Variants in ELAPOR1 observed in about 807,000 individuals in gnomAD.
The protein encoded by ELAPOR1 is endosome/lysosome-associated apoptosis and autophagy regulator 1.
Under a neutral mutation model 119.7 loss-of-function variants are expected in ELAPOR1, and 77 were observed. That is an observed-to-expected ratio of 0.64 (90% CI 0.54 to 0.78). The LOEUF (loss-of-function observed/expected upper bound fraction) is 0.78. Among genes scored for constraint, ELAPOR1 ranks in the 30% least tolerant of loss-of-function variants. The pLI, the probability that ELAPOR1 is intolerant of heterozygous loss-of-function variation, is 0.00. For synonymous variants in ELAPOR1, 481 were observed against 487.2 expected (o/e 0.99, Z 0.17); for missense variants, 1,115 against 1,270.4 (o/e 0.88, Z 1.86).
intron 1 of ELAPOR1, among the ~76,000 whole-genome samples, chr1:109,137,817 C>T (rs576175002): frequency 1.0e-3 from 158 of 152,306 alleles, no homozygotes; most frequent in Middle Eastern, 3.4e-3. Context: ...CGTGAGCCAC[C>T]GCGCCCGGCC....
rs187193724 is a variant in ELAPOR1 at position 109,119,692 on chromosome 1, A to G, written c.153+5356A>G. Among the ~76,000 whole-genome samples the G allele has an allele frequency of 3.3e-5, 5 of 152,252 alleles. No homozygotes were observed. In the East Asian group the frequency reaches 9.6e-4, roughly 29 times the overall value. On this transcript the variant is annotated intron_variant, in intron 1 of 21. Coordinates refer to ENST00000369939, the MANE Select transcript of ELAPOR1 (RefSeq NM_020775.5). ...GGTGTTGTAAAATACTCCTTTGGTG[A>G]ATATTCCACGATTTAAAAATTAGTT...
At position 109,188,166 on chromosome 1, in the gene ELAPOR1, C is replaced by T. The variant is rs754633712; in HGVS notation, c.1042-11C>T. 1 of 1,594,512 alleles carries T rather than the reference C, an allele frequency of 6.3e-7. No homozygotes were observed. Among genetic ancestry groups the T allele is most frequent in the Non-Finnish European group, 8.6e-7 (1 of 1,164,980 alleles). ...CACACAGGCTGAGTTGTGCTTAATCCATTTCTGCAGACACAACTCATGTAC... is the reference window on the plus strand; with the variant it reads ...CACACAGGCTGAGTTGTGCTTAATCTATTTCTGCAGACACAACTCATGTAC... On this transcript the variant is annotated splice_polypyrimidine_tract_variant and intron_variant, in intron 8 of 21. Transcript: ENST00000369939.
At chr1:109,177,283 G>A (rs1256139034) in intron 7 of ELAPOR1, among the ~76,000 whole-genome samples, 2 of 147,314 alleles carry the variant, frequency 1.4e-5, no homozygotes, top group African/African-American at 2.6e-5. Flanking sequence ...GGGCAGAGAC[G>A]CTCCTCACTT....
chr1:109,170,963 A>T (rs1651883387), intron 3 of ELAPOR1, among the ~76,000 whole-genome samples: 1 of 152,188 alleles, frequency 6.6e-6, no homozygotes. Flanking sequence ...AACCATTTAC[A>T]TGCAGCATCT....
At chr1:109,118,013 G>C (rs1227257988) in intron 1 of ELAPOR1, among the ~76,000 whole-genome samples, 1 of 152,060 alleles carries the variant, frequency 6.6e-6, no homozygotes, top group African/African-American at 2.4e-5. Flanking sequence ...TGTAATCCCA[G>C]CTACTTGGGA....
At chr1:109,137,357 T>G (rs1444714275) in intron 1 of ELAPOR1, among the ~76,000 whole-genome samples, 1 of 149,248 alleles carries the variant, frequency 6.7e-6, no homozygotes, top group Non-Finnish European at 1.5e-5. Context: ...GCATGCACCA[T>G]GACGCCCAGC....
chr1:109,120,513 C>T lies in ELAPOR1; in HGVS notation c.153+6177C>T, dbSNP rs114238088. ...CTCTGAGGAATGGGCCCTCACCGGA[C>T]GCCTAATCTGCTGGTGCCTTGATCT... is the stretch of plus-strand genomic sequence containing the variant. On this transcript the variant is annotated intron_variant, in intron 1 of 21. Transcript: ENST00000369939. 4.1e-3 allele frequency among the ~76,000 whole-genome samples: 631 copies of T among 152,306 alleles called. 5 individuals are homozygous for T. The highest frequency in any genetic ancestry group is 0.013 in the African/African-American group (534 of 41,560).
Position 109,115,262 on chromosome 1 carries a change from A to G in ELAPOR1, c.153+926A>G, listed in dbSNP as rs149150900. Among the ~76,000 whole-genome samples the G allele has an allele frequency of 7.2e-3, 1,093 of 152,298 alleles. 14 individuals are homozygous for G. Among genetic ancestry groups the G allele is most frequent in the African/African-American group, 0.025 (1,038 of 41,560 alleles). ...TAGAAACCATATGGCAGAGGCAACA[A>G]TAAGATATTTACAAGAACTACGTTG... On this transcript the variant is annotated intron_variant, in intron 1 of 21. Coordinates refer to ENST00000369939, the MANE Select transcript of ELAPOR1 (RefSeq NM_020775.5).
In ELAPOR1 at chr1:109,114,348, C is replaced by T. The variant is rs953818223; in HGVS notation, c.153+12C>T. The T allele has an allele frequency of 6.4e-7, 1 of 1,568,600 alleles. No homozygotes were observed. The highest frequency in any genetic ancestry group is 1.2e-5 in the South Asian group (1 of 85,482). On this transcript the variant is annotated intron_variant, in intron 1 of 21. Coordinates refer to ENST00000369939, the MANE Select transcript of ELAPOR1 (RefSeq NM_020775.5). Reference sequence around the variant, plus strand: ...ATGCCTGCAAAGAGGTACTGCCGCCCCCCTACCCGATCCCGCTTTGGTCAC... The same window carrying T: ...ATGCCTGCAAAGAGGTACTGCCGCCTCCCTACCCGATCCCGCTTTGGTCAC...
intron 5 of ELAPOR1, among the ~76,000 whole-genome samples, chr1:109,173,145 C>A (rs1241495960): frequency 1.3e-5 from 2 of 148,862 alleles, no homozygotes; most frequent in Non-Finnish European, 3.0e-5. Flanking sequence ...GGGAGGGGGG[C>A]TGTCCCCCTG....
chr1:109,162,049 C>T (rs776283484), intron 2 of ELAPOR1, 35 bp downstream of exon 2: 2 of 1,589,196 alleles, frequency 1.3e-6, no homozygotes, highest in Non-Finnish European at 1.7e-6. Context: ...CTCCCTGTCA[C>T]TCAGCTTTGG....
At chr1:109,188,486 C>A (rs1342402902) in intron 9 of ELAPOR1, 132 bp downstream of exon 9, 1 of 981,184 alleles carries the variant, frequency 1.0e-6, no homozygotes. Flanking sequence ...GACCAGGCCA[C>A]CTTTGAGGAC....
At chr1:109,161,122 G>A (rs1052992066) in intron 1 of ELAPOR1, among the ~76,000 whole-genome samples, 1 of 152,076 alleles carries the variant, frequency 6.6e-6, no homozygotes, top group Admixed American at 6.6e-5. Flanking sequence ...AGAAACACAG[G>A]GAAATAGGGC....
intron 1 of ELAPOR1, among the ~76,000 whole-genome samples, chr1:109,146,459 T>C (rs1241005798): frequency 6.6e-6 from 1 of 152,204 alleles, no homozygotes; most frequent in African/African-American, 2.4e-5. Context: ...AGTCACTTAG[T>C]GTTACTTCTG....
intron 7 of ELAPOR1, among the ~76,000 whole-genome samples, chr1:109,179,819 T>C (rs1652587140): frequency 6.6e-6 from 1 of 151,914 alleles, no homozygotes; most frequent in African/African-American, 2.4e-5. Flanking sequence ...GGCAAGAGAA[T>C]TGCTTGAACC....
At chr1:109,176,014 C>T (rs1043059432) in intron 7 of ELAPOR1, among the ~76,000 whole-genome samples, 20 of 151,976 alleles carry the variant, frequency 1.3e-4, no homozygotes, top group Non-Finnish European at 5.9e-5. Flanking sequence ...TTTTATCAAC[C>T]TGAGAGCATT....
intron 10 of ELAPOR1, 47 bp downstream of exon 10, chr1:109,189,241 C>T (rs759975653): frequency 6.3e-7 from 1 of 1,589,298 alleles, no homozygotes; most frequent in South Asian, 1.1e-5. Flanking sequence ...CCTGCACACC[C>T]TCAGTTCTTC....
At position 109,150,423 on chromosome 1, in the gene ELAPOR1, GA is replaced by G. The variant is rs369370859; in HGVS notation, c.154-11470del. Among the ~76,000 whole-genome samples the G allele has an allele frequency of 4.5e-4, 68 of 152,314 alleles. No individual in the cohort carries two copies. In the East Asian group the frequency reaches 0.012, roughly 26 times the overall value. On this transcript the variant is annotated intron_variant, in intron 1 of 21. Coordinates refer to ENST00000369939, the MANE Select transcript of ELAPOR1 (RefSeq NM_020775.5). ...GCTAGGCGACGGTCCAGGGATTGAGGACGGCCAGCAAAGGCCGGCAGGACTG... is the reference window on the plus strand; with the variant it reads ...GCTAGGCGACGGTCCAGGGATTGAGGCGGCCAGCAAAGGCCGGCAGGACTG...
At chr1:109,121,789 T>G (rs1333635454) in intron 1 of ELAPOR1, among the ~76,000 whole-genome samples, 2 of 151,404 alleles carry the variant, frequency 1.3e-5, no homozygotes, top group Non-Finnish European at 2.9e-5. Context: ...TTTTTTTTTT[T>G]TTGAGACAGA....
Sources: gnomAD v4.1 joint callset for allele counts (sites outside exome capture counted in the v4.1 genomes callset) on GRCh38, gnomAD v4.1.1 for gene constraint, MANE v1.5 for transcripts, NCBI Gene and HGNC (gene_info 2026-07-23, HGNC 2026-07-21) for gene names.